Variants in GPR55 observed in about 807,000 individuals in gnomAD.
The protein encoded by GPR55 is G-protein coupled receptor 55.
GPR55 carries 6 observed loss-of-function variants against 7.9 expected under a neutral mutation model. The ratio of observed to expected loss-of-function variants is 0.76; its 90% CI spans 0.41 to 1.49. GPR55 has a LOEUF of 1.49. GPR55 is among the 40% of genes most tolerant of loss of function. The probability of loss-of-function intolerance (pLI) is 0.01; values close to 1 mark genes in which losing one functional copy is unlikely to be tolerated. For missense variants in GPR55, 376 were observed against 406.0 expected (o/e 0.93, Z 0.63); for synonymous variants, 183 against 166.8 (o/e 1.10, Z -0.75).
At chr2:230,920,883 A>G (rs1690818546) in intron 1 of GPR55, among the ~76,000 whole-genome samples, 2 of 152,314 alleles carry the variant, frequency 1.3e-5, no homozygotes, top group South Asian at 4.1e-4. Context: ...AATACTCCCT[A>G]TATTAATCTA....
chr2:230,928,301 C>T (rs111306035), upstream of GPR55, among the ~76,000 whole-genome samples: 2,990 of 152,128 alleles, frequency 0.02, 61 homozygotes, highest in Middle Eastern at 0.048. Context: ...GGAGTGGGGG[C>T]GTCAGAGTGT....
chr2:230,914,503 T>C (rs1217453284), intron 1 of GPR55, among the ~76,000 whole-genome samples: 1 of 151,988 alleles, frequency 6.6e-6, no homozygotes. Flanking sequence ...AAGGAAACCA[T>C]CTTTTTAGAG....
At chr2:230,919,670 A>G (rs1287830375) in intron 1 of GPR55, among the ~76,000 whole-genome samples, 1 of 152,208 alleles carries the variant, frequency 6.6e-6, no homozygotes, top group African/African-American at 2.4e-5. Context: ...CTGAGAATTC[A>G]CCTTAAGTAA....
At chr2:230,928,741 A>G (rs983763572), upstream of GPR55, among the ~76,000 whole-genome samples, 1 of 152,208 alleles carries the variant, frequency 6.6e-6, no homozygotes, top group African/African-American at 2.4e-5. Context: ...TGATCCAAGG[A>G]AAAGGGGTCC....
In GPR55 at chr2:230,914,553, A is replaced by T. The variant is rs1016400572; in HGVS notation, c.-134-3457T>A. On this transcript the variant is annotated intron_variant, in intron 1 of 1. Coordinates refer to ENST00000650999, the MANE Select transcript of GPR55 (RefSeq NM_005683.4). ...ATCAGAAGCCTCACTGTAGTAAGATAAAAAAAAGGCATCAATGCACTCCAA... is the reference window on the plus strand; with the variant it reads ...ATCAGAAGCCTCACTGTAGTAAGATTAAAAAAAGGCATCAATGCACTCCAA... Among the ~76,000 whole-genome samples, 16 of 84,644 alleles carry T rather than the reference A, an allele frequency of 1.9e-4. No individual in the cohort carries two copies. In the African/African-American group the frequency reaches 3.1e-3, roughly 16 times the overall value. 55.5% of individuals were successfully genotyped at this position (84,644 alleles called of 152,430 possible). A position where few individuals can be genotyped will look rare whatever the true frequency, so the allele number is the denominator to read the frequency against.
At position 230,941,696 on chromosome 2, in the gene GPR55, C is replaced by T. The variant is rs1408029332; in HGVS notation, c.-135+19079G>A. Among the ~76,000 whole-genome samples, 3 of 152,206 alleles carry T rather than the reference C, an allele frequency of 2.0e-5. No homozygotes were observed. The East Asian group carries it at 5.8e-4, about 29-fold the overall frequency. The stretch of plus-strand genomic sequence containing the variant: ...CGCAGTGACTCCCTGTCCTTCAGGT[C>T]TCAGGTTGAACGTCACTCCCCCAGG... On this transcript the variant is annotated intron_variant, in intron 1 of 1. Transcript: ENST00000392039.
intron 1 of GPR55, among the ~76,000 whole-genome samples, chr2:230,931,017 G>T (rs1302005587): frequency 5.9e-5 from 9 of 151,978 alleles, no homozygotes; most frequent in Admixed American, 4.6e-4. Flanking sequence ...GTCCCCACCT[G>T]CCCTACCTAC....
At chr2:230,925,882 G>A (rs1690933579), upstream of GPR55, among the ~76,000 whole-genome samples, 1 of 152,102 alleles carries the variant, frequency 6.6e-6, no homozygotes, top group Non-Finnish European at 1.5e-5. Flanking sequence ...CTAGGGCCCT[G>A]CAAGCAGAGA....
At chr2:230,930,784 C>T (rs774338470) in intron 1 of GPR55, among the ~76,000 whole-genome samples, 1 of 152,150 alleles carries the variant, frequency 6.6e-6, no homozygotes, top group Non-Finnish European at 1.5e-5. Context: ...CTTTGTTTTG[C>T]GGCATGGAAA....
intron 1 of GPR55, among the ~76,000 whole-genome samples, chr2:230,921,443 A>T (rs1030221713): frequency 6.6e-6 from 1 of 152,238 alleles, no homozygotes; most frequent in Non-Finnish European, 1.5e-5. Flanking sequence ...TACACTCCTC[A>T]TTCTCGGACC....
upstream of GPR55, among the ~76,000 whole-genome samples, chr2:230,927,471 T>TC (rs1192515929): frequency 6.6e-6 from 1 of 152,178 alleles, no homozygotes; most frequent in Non-Finnish European, 1.5e-5. Context: ...GCTTTTCGCC[T>TC]CCCCTTGCCA....
intron 1 of GPR55, among the ~76,000 whole-genome samples, chr2:230,934,361 G>A (rs1227850904): frequency 6.6e-6 from 1 of 152,168 alleles, no homozygotes; most frequent in Non-Finnish European, 1.5e-5. Context: ...GCCTCTCTCC[G>A]ACCCCAGCAC....
chr2:230,940,065 G>A (rs1691200535), intron 1 of GPR55, among the ~76,000 whole-genome samples: 1 of 152,142 alleles, frequency 6.6e-6, no homozygotes, highest in African/African-American at 2.4e-5. Flanking sequence ...CCTGAGCTAC[G>A]TGGCCCCCCT....
intron 1 of GPR55, among the ~76,000 whole-genome samples, chr2:230,917,681 G>A (rs1177450349): frequency 1.3e-5 from 2 of 151,948 alleles, no homozygotes; most frequent in East Asian, 1.9e-4. Context: ...GTGGTGGCTT[G>A]TGCCTATAGT....
At chr2:230,945,629 G>C (rs1691301288) in intron 1 of GPR55, among the ~76,000 whole-genome samples, 1 of 152,248 alleles carries the variant, frequency 6.6e-6, no homozygotes, top group South Asian at 2.1e-4. Context: ...CTGGAGTGCA[G>C]TGGCACTATC....
At chr2:230,952,916 T>C (rs1691426664) in intron 1 of GPR55, among the ~76,000 whole-genome samples, 1 of 152,178 alleles carries the variant, frequency 6.6e-6, no homozygotes, top group Admixed American at 6.5e-5. Context: ...GCTCCGCCAT[T>C]TGCCCTAACA....
chr2:230,927,658 T>A (rs1690965536), upstream of GPR55, among the ~76,000 whole-genome samples: 1 of 152,244 alleles, frequency 6.6e-6, no homozygotes, highest in South Asian at 2.1e-4. Context: ...TTGGGGGGTT[T>A]GGGGGCACAC....
intron 1 of GPR55, among the ~76,000 whole-genome samples, chr2:230,954,542 A>G (rs1010400382): frequency 6.6e-6 from 1 of 152,226 alleles, no homozygotes; most frequent in African/African-American, 2.4e-5. Context: ...TGATATAGGC[A>G]TACAATGTGT....
At chr2:230,934,023 C>T (rs1259863216) in intron 1 of GPR55, among the ~76,000 whole-genome samples, 1 of 152,196 alleles carries the variant, frequency 6.6e-6, no homozygotes. Flanking sequence ...GCCTCCCTCT[C>T]CTCGCCTCTA....
Sources: gnomAD v4.1 joint callset for allele counts (sites outside exome capture counted in the v4.1 genomes callset) on GRCh38, gnomAD v4.1.1 for gene constraint, MANE v1.5 for transcripts, NCBI Gene and HGNC (gene_info 2026-07-23, HGNC 2026-07-21) for gene names.